GRXCR1: variants seen among roughly 807,000 people sequenced by gnomAD.
The protein encoded by GRXCR1 is glutaredoxin and cysteine rich domain containing 1.
GRXCR1 carries 27 observed loss-of-function variants against 27.3 expected under a neutral mutation model. The observed-to-expected ratio is 0.99, with a 90% CI of 0.73 to 1.37. GRXCR1 has a LOEUF of 1.37. GRXCR1 is among the 40% of genes most tolerant of loss of function. GRXCR1 has a pLI of 0.00. For synonymous variants in GRXCR1, 122 were observed against 131.1 expected, an observed-to-expected ratio of 0.93 and a Z score of 0.47; for missense variants, 379 against 354.4, an observed-to-expected ratio of 1.07 and a Z score of -0.56.
chr4:42,968,195 G>A (rs1425266726), intron 2 of GRXCR1, among the ~76,000 whole-genome samples: 1 of 152,002 alleles, frequency 6.6e-6, no homozygotes, highest in Non-Finnish European at 1.5e-5. Context: ...CAGCCCTCCT[G>A]TACACAGCTT....
intron 2 of GRXCR1, among the ~76,000 whole-genome samples, chr4:42,969,868 G>T (rs573717127): frequency 6.6e-6 from 1 of 152,064 alleles, no homozygotes; most frequent in Non-Finnish European, 1.5e-5. Context: ...TAACCCAAAA[G>T]TCTAAGTTCA....
Position 43,030,602 on chromosome 4 carries a change from T to G in GRXCR1, c.*62T>G. On this transcript the variant is annotated 3_prime_UTR_variant, in exon 4 of 4. Coordinates refer to ENST00000399770, the MANE Select transcript of GRXCR1 (RefSeq NM_001080476.3). Reference sequence around the variant, plus strand: ...ATCAAAGGCAATACTTTGGTTTATATATATATTTTTAAATGGTTATGTTTA... The same window carrying G: ...ATCAAAGGCAATACTTTGGTTTATAGATATATTTTTAAATGGTTATGTTTA... 2 of 1,239,756 alleles carry G rather than the reference T, an allele frequency of 1.6e-6. No individual in the cohort carries two copies. Among genetic ancestry groups the G allele is most frequent in the Non-Finnish European group, 2.4e-6 (2 of 848,780 alleles). 76.8% of individuals were successfully genotyped at this position (1,239,756 alleles called of 1,614,324 possible).
At chr4:42,898,871 T>A (rs1746406149) in intron 1 of GRXCR1, among the ~76,000 whole-genome samples, 1 of 152,174 alleles carries the variant, frequency 6.6e-6, no homozygotes, top group Admixed American at 6.6e-5. Flanking sequence ...AAGAGGTAGG[T>A]AAAGAAGCTC....
intron 2 of GRXCR1, among the ~76,000 whole-genome samples, chr4:43,000,415 G>T (rs1712312720): frequency 2.0e-5 from 3 of 147,852 alleles, no homozygotes; most frequent in Non-Finnish European, 4.4e-5. Context: ...CTAGGAGGTT[G>T]CAGTGAGCCA....
rs369022273 is a variant in GRXCR1, at chr4:42,987,222, T to TATATTATATATTATATATA, written c.627+24088_627+24089insATATTATATATTATATATA. On this transcript the variant is annotated intron_variant, in intron 2 of 3. Transcript: ENST00000399770. Reference sequence around the variant, plus strand: ...TTTTCATATATATATTATATATATATTATATATTATATATATATAATATAT... The same window carrying TATATTATATATTATATATA: ...TTTTCATATATATATTATATATATATATATTATATATTATATATATATATATTATATATATATAATATAT... Among the ~76,000 whole-genome samples, 4 of 100,574 alleles carry TATATTATATATTATATATA rather than the reference T, an allele frequency of 4.0e-5. No individual in the cohort carries two copies. The South Asian group carries it at 9.7e-4, about 24-fold the overall frequency. The allele number at this position is 100,574 out of a possible 152,430, so 66.0% of individuals were successfully genotyped here. A position where few individuals can be genotyped will look rare whatever the true frequency, so the allele number is the denominator to read the frequency against.
At chr4:42,980,608 T>A (rs1748639126) in intron 2 of GRXCR1, among the ~76,000 whole-genome samples, 1 of 152,058 alleles carries the variant, frequency 6.6e-6, no homozygotes, top group Non-Finnish European at 1.5e-5. Flanking sequence ...GAATGTGTAT[T>A]CTGCAGCTTT....
chr4:42,962,870 C>T (rs374396742), intron 1 of GRXCR1, 22 bp from the exon 2 acceptor site: 105 of 1,611,558 alleles, frequency 6.5e-5, no homozygotes, highest in Non-Finnish European at 8.5e-5. Flanking sequence ...AACATTCTTA[C>T]AACTCAATGT....
At chr4:42,917,419 T>C (rs1024103002) in intron 1 of GRXCR1, among the ~76,000 whole-genome samples, 5 of 152,172 alleles carry the variant, frequency 3.3e-5, no homozygotes, top group African/African-American at 1.2e-4. Context: ...TGCAGAGTAA[T>C]TAATCCCAAA....
At chr4:43,028,203 C>A (rs528526094) in intron 3 of GRXCR1, among the ~76,000 whole-genome samples, 3 of 152,244 alleles carry the variant, frequency 2.0e-5, no homozygotes, top group Admixed American at 2.0e-4. Flanking sequence ...TCTATGTCAA[C>A]TCTAACCTAT....
At chr4:42,962,804 G>GC (rs1748153852) in intron 1 of GRXCR1, 88 bp from the exon 2 acceptor site, 1 of 1,481,100 alleles carries the variant, frequency 6.8e-7, no homozygotes, top group African/African-American at 1.4e-5. Context: ...TTATTGCATG[G>GC]CTTTAACGCA....
chr4:42,944,180 T>A (rs1577915362), intron 1 of GRXCR1, among the ~76,000 whole-genome samples: 1 of 152,002 alleles, frequency 6.6e-6, no homozygotes, highest in Admixed American at 6.6e-5. Flanking sequence ...GGATGGAAGG[T>A]GACTACAGGG....
intron 2 of GRXCR1, among the ~76,000 whole-genome samples, chr4:43,004,910 T>G (rs1712505899): frequency 6.6e-6 from 1 of 152,102 alleles, no homozygotes; most frequent in Admixed American, 6.5e-5. Flanking sequence ...GTTGGCATGA[T>G]TGATTTTGAA....
rs559036116 is a variant in GRXCR1, at chr4:42,893,419, G to A, written c.153G>A (p.Gly51=). The A allele has an allele frequency of 6.2e-7, 1 of 1,613,856 alleles. No individual in the cohort carries two copies. The highest frequency in any genetic ancestry group is 1.1e-5 in the South Asian group (1 of 91,072). ...ATTCTGAATGTGCCAGTATCTGTGG[G>A]ATAGATGGACTAGGTGATTCCGATG... is the stretch of plus-strand genomic sequence containing the variant. ...SLDSECASIC[G]IDGLGDSDGQ... is the part of the protein sequence containing the mutation. Residue 51 remains glycine, a synonymous_variant, in exon 1 of 4, where the codon GGG becomes GGA. Coordinates refer to ENST00000399770, the MANE Select transcript of GRXCR1 (RefSeq NM_001080476.3).
At chr4:42,917,903 G>T (rs1337938696) in intron 1 of GRXCR1, among the ~76,000 whole-genome samples, 1 of 152,074 alleles carries the variant, frequency 6.6e-6, no homozygotes, top group Non-Finnish European at 1.5e-5. Flanking sequence ...CCTAACTGGT[G>T]AATAGGCATT....
chr4:43,024,120 T>A lies in GRXCR1; in HGVS notation c.693+3701T>A, dbSNP rs376908733. ...AAGCTCCAAGTAAGCTTTGCCTTGT[T>A]ATTTTTTTGAAGATATGAGTAAATA... On this transcript the variant is annotated intron_variant, in intron 3 of 3. Coordinates refer to ENST00000399770, the MANE Select transcript of GRXCR1 (RefSeq NM_001080476.3). 2.0e-4 allele frequency among the ~76,000 whole-genome samples: 30 copies of A among 152,064 alleles called. 3 individuals are homozygous for A. Among genetic ancestry groups the A allele is most frequent in the South Asian group, 1.7e-3 (8 of 4,816 alleles).
intron 2 of GRXCR1, among the ~76,000 whole-genome samples, chr4:42,970,279 C>T (rs763790828): frequency 5.3e-5 from 8 of 152,058 alleles, no homozygotes; most frequent in South Asian, 2.1e-4. Flanking sequence ...GTCTGGAGAA[C>T]GATGGCCTTC....
intron 2 of GRXCR1, among the ~76,000 whole-genome samples, chr4:42,991,557 T>C (rs1315901355): frequency 1.3e-5 from 2 of 151,982 alleles, no homozygotes; most frequent in Admixed American, 6.6e-5. Context: ...AGAGAGAGCA[T>C]GTGAGGTAGT....
intron 1 of GRXCR1, among the ~76,000 whole-genome samples, chr4:42,894,464 G>A (rs572679412): frequency 6.6e-6 from 1 of 151,930 alleles, no homozygotes; most frequent in African/African-American, 2.4e-5. Flanking sequence ...TATCATTAAG[G>A]TAGCCAATAT....
At chr4:42,920,890 C>A (rs924715388) in intron 1 of GRXCR1, among the ~76,000 whole-genome samples, 2 of 151,272 alleles carry the variant, frequency 1.3e-5, no homozygotes, top group African/African-American at 4.9e-5. Flanking sequence ...GTACATTATT[C>A]CCAGTCTACT....
Sources: gnomAD v4.1 joint callset for allele counts (sites outside exome capture counted in the v4.1 genomes callset) on GRCh38, gnomAD v4.1.1 for gene constraint, MANE v1.5 for transcripts, NCBI Gene and HGNC (gene_info 2026-07-23, HGNC 2026-07-21) for gene names.